Variants in IL1RAPL2 observed in about 807,000 individuals in gnomAD.
The protein encoded by IL1RAPL2 is X-linked interleukin-1 receptor accessory protein-like 2.
A neutral mutation model predicts 44.1 loss-of-function variants in IL1RAPL2; 3 were observed. The ratio of observed to expected loss-of-function variants is 0.07; its 90% CI spans 0.03 to 0.18. IL1RAPL2 has a LOEUF of 0.18. Ranked by LOEUF, IL1RAPL2 falls within the 10% of genes least tolerant of loss-of-function variation. The pLI, the probability that IL1RAPL2 is intolerant of heterozygous loss-of-function variation, is 1.00. For synonymous variants in IL1RAPL2, 181 were observed against 178.8 expected, an observed-to-expected ratio of 1.01 and a Z score of -0.10; for missense variants, 391 against 496.4, an observed-to-expected ratio of 0.79 and a Z score of 2.02.
At chrX:105,333,775 A>G (rs2035006535) in intron 5 of IL1RAPL2, among the ~76,000 whole-genome samples, 1 of 112,302 alleles carries the variant, frequency 8.9e-6, no homozygotes, top group Non-Finnish European at 1.9e-5. Flanking sequence ...GCTCAACATC[A>G]TTGATCAACA....
At chrX:105,201,688 A>G (rs2033719109) in intron 3 of IL1RAPL2, among the ~76,000 whole-genome samples, 1 of 111,659 alleles carries the variant, frequency 9.0e-6, no homozygotes, top group South Asian at 3.7e-4. Context: ...CCTACTTCCC[A>G]TCGCGGTTAC....
At chrX:105,654,994 T>C (rs1410053862) in intron 6 of IL1RAPL2, among the ~76,000 whole-genome samples, 3 of 112,191 alleles carry the variant, frequency 2.7e-5, no homozygotes, top group Non-Finnish European at 5.6e-5. Context: ...CCGGGAAGTG[T>C]GAATTTTTCA....
At chrX:104,802,095 A>G (rs965073830) in intron 2 of IL1RAPL2, among the ~76,000 whole-genome samples, 1 of 111,190 alleles carries the variant, frequency 9.0e-6, no homozygotes, top group Non-Finnish European at 1.9e-5. Flanking sequence ...CTGTAATCCC[A>G]GCACTTTGGG....
At chrX:104,954,679 G>T (rs1050484393) in intron 2 of IL1RAPL2, among the ~76,000 whole-genome samples, 2 of 112,073 alleles carry the variant, frequency 1.8e-5, no homozygotes, top group African/African-American at 6.5e-5. Context: ...TAGGACTACA[G>T]GCACTGACCG....
intron 5 of IL1RAPL2, among the ~76,000 whole-genome samples, chrX:105,391,179 A>G (rs2035518947): frequency 9.0e-6 from 1 of 111,708 alleles, no homozygotes. Context: ...CTTCAGAATG[A>G]ATAATAATCA....
At chrX:104,666,782 A>C (rs746368561) in intron 2 of IL1RAPL2, among the ~76,000 whole-genome samples, 3 of 111,576 alleles carry the variant, frequency 2.7e-5, no homozygotes, top group Non-Finnish European at 3.8e-5. Flanking sequence ...TGTGCTCTGC[A>C]AAAGCACACC....
At chrX:104,902,810 T>C (rs1303822770) in intron 2 of IL1RAPL2, among the ~76,000 whole-genome samples, 1 of 111,778 alleles carries the variant, frequency 8.9e-6, no homozygotes, top group Non-Finnish European at 1.9e-5. Context: ...GCAATGCTTT[T>C]ATATTTCATT....
chrX:104,864,694 A>G (rs1051694068), intron 2 of IL1RAPL2, among the ~76,000 whole-genome samples: 2 of 111,878 alleles, frequency 1.8e-5, no homozygotes, highest in Non-Finnish European at 3.8e-5. Context: ...CAGCGTGGCT[A>G]GAATAAAGCA....
At chrX:105,448,052 A>G (rs2035987957) in intron 5 of IL1RAPL2, among the ~76,000 whole-genome samples, 1 of 106,406 alleles carries the variant, frequency 9.4e-6, no homozygotes, top group Non-Finnish European at 1.9e-5. Flanking sequence ...CACTTTAAAT[A>G]TGTCATTTCA....
intron 1 of IL1RAPL2, among the ~76,000 whole-genome samples, chrX:104,645,698 C>T (rs1007813939): frequency 8.9e-6 from 1 of 112,502 alleles, no homozygotes; most frequent in African/African-American, 3.2e-5. Flanking sequence ...AGACTGTGAT[C>T]ACACAAAAAG....
At chrX:104,890,602 A>G (rs1358410733) in intron 2 of IL1RAPL2, among the ~76,000 whole-genome samples, 1 of 112,461 alleles carries the variant, frequency 8.9e-6, no homozygotes. Context: ...TCTTCTTTTG[A>G]GAAATATCTG....
chrX:104,981,320 C>A (rs1342882340), intron 2 of IL1RAPL2, among the ~76,000 whole-genome samples: 1 of 109,799 alleles, frequency 9.1e-6, no homozygotes, highest in Non-Finnish European at 1.9e-5. Context: ...GTGTCTATTG[C>A]CTGCTTCTTT....
At chrX:105,175,859 TTGTAA>T (rs2033467881) in intron 2 of IL1RAPL2, among the ~76,000 whole-genome samples, 1 of 111,119 alleles carries the variant, frequency 9.0e-6, no homozygotes, top group East Asian at 2.8e-4. Flanking sequence ...ACTGTAATAC[TTGTAA>T]TGATTATGAT....
At chrX:104,583,290 A>AT (rs1204207070) in intron 1 of IL1RAPL2, among the ~76,000 whole-genome samples, 2 of 111,363 alleles carry the variant, frequency 1.8e-5, no homozygotes, top group Non-Finnish European at 3.8e-5. Flanking sequence ...ATAATTCAAT[A>AT]TTTTTTAGTA....
At chrX:104,712,867 A>G (rs1213054022) in intron 2 of IL1RAPL2, among the ~76,000 whole-genome samples, 2 of 110,817 alleles carry the variant, frequency 1.8e-5, no homozygotes, top group African/African-American at 6.5e-5. Context: ...AGACAAGAAG[A>G]GGTAGATTTT....
At chrX:104,633,647 C>T (rs989183663) in intron 1 of IL1RAPL2, among the ~76,000 whole-genome samples, 3 of 111,835 alleles carry the variant, frequency 2.7e-5, no homozygotes, top group South Asian at 7.5e-4. Flanking sequence ...TTATAGTATT[C>T]TCTGATGGTA....
At chrX:104,880,849 C>T (rs1055960393) in intron 2 of IL1RAPL2, among the ~76,000 whole-genome samples, 1 of 111,876 alleles carries the variant, frequency 8.9e-6, no homozygotes, top group Non-Finnish European at 1.9e-5. Flanking sequence ...AATCCTTCAA[C>T]ACGCCATCAA....
At chrX:104,671,849 A>T (rs1294992573) in intron 2 of IL1RAPL2, among the ~76,000 whole-genome samples, 2 of 111,881 alleles carry the variant, frequency 1.8e-5, no homozygotes, top group African/African-American at 6.5e-5. Context: ...TGGCCAGAGC[A>T]CAGCCTGCCT....
chrX:105,635,253 G>A (rs2037515614), intron 6 of IL1RAPL2, among the ~76,000 whole-genome samples: 1 of 111,458 alleles, frequency 9.0e-6, no homozygotes, highest in Non-Finnish European at 1.9e-5. Context: ...TGACACATGC[G>A]ATAACCTTGC....
Sources: allele counts gnomAD v4.1 joint callset (sites outside exome capture counted in the v4.1 genomes callset), GRCh38; gene constraint gnomAD v4.1.1; transcripts MANE v1.5; gene names NCBI Gene and HGNC (gene_info 2026-07-23, HGNC 2026-07-21).